Variants in DLC1 observed in about 807,000 individuals in gnomAD.
DLC1 encodes DLC1 Rho GTPase activating protein, also known as rho GTPase-activating protein 7.
DLC1 carries 54 observed loss-of-function variants against 140.3 expected under a neutral mutation model. The ratio of observed to expected loss-of-function variants is 0.38; its 90% CI spans 0.31 to 0.48. The LOEUF is 0.48. Ranked by LOEUF, DLC1 falls within the 20% of genes least tolerant of loss-of-function variation. The pLI, the probability that DLC1 is intolerant of heterozygous loss-of-function variation, is 0.96. For missense variants in DLC1, 2,536 were observed against 1,907.0 expected, an observed-to-expected ratio of 1.33 and a Z score of -6.14; for synonymous variants, 986 against 728.1, an observed-to-expected ratio of 1.35 and a Z score of -5.70.
chr8:13,403,405 A>G (rs150334883), intron 2 of DLC1, among the ~76,000 whole-genome samples: 3 of 152,294 alleles, frequency 2.0e-5, no homozygotes, highest in African/African-American at 7.2e-5. Flanking sequence ...AATATTCCAG[A>G]TAATGGAACA....
In DLC1 at chr8:13,264,626, G is replaced by T. The variant is rs78616966; in HGVS notation, c.1348+40643C>A. Among the ~76,000 whole-genome samples the T allele has an allele frequency of 3.8e-4, 58 of 152,194 alleles. 1 individual carries two copies. The East Asian group carries it at 0.01, about 27-fold the overall frequency. On this transcript the variant is annotated intron_variant, in intron 5 of 17. Coordinates refer to ENST00000276297, the MANE Select transcript of DLC1 (RefSeq NM_182643.3). ...AGGAGGGAAATATGACCCAGGAGGG[G>T]CACACACGGGGCTGTAACAGCAACT... is the stretch of plus-strand genomic sequence containing the variant.
intron 10 of DLC1, chr8:13,096,143 C>A (rs989142264): frequency 2.0e-5 from 3 of 152,186 alleles, no homozygotes; most frequent in Non-Finnish European, 4.4e-5. Context: ...GGAAAAGAAC[C>A]TTGTGTAGGA....
chr8:13,295,628 T>G (rs75140322), intron 5 of DLC1, among the ~76,000 whole-genome samples: 2,099 of 152,270 alleles, frequency 0.014, 56 homozygotes, highest in African/African-American at 0.048. Context: ...TGAAAGAGAT[T>G]TTGAACTTCC....
At chr8:13,135,989 ATCT>A (rs1287155226) in intron 5 of DLC1, among the ~76,000 whole-genome samples, 5 of 152,228 alleles carry the variant, frequency 3.3e-5, no homozygotes, top group East Asian at 3.9e-4. Flanking sequence ...CCTGAATCTC[ATCT>A]TCTTTCAGTC....
intron 1 of DLC1, among the ~76,000 whole-genome samples, chr8:13,585,088 T>A (rs1365763410): frequency 6.6e-6 from 1 of 152,254 alleles, no homozygotes; most frequent in African/African-American, 2.4e-5. Context: ...CTGCCTTCAA[T>A]GAACTTAGCA....
chr8:13,603,826 T>C (rs1805964321), intron 1 of DLC1, among the ~76,000 whole-genome samples: 1 of 152,112 alleles, frequency 6.6e-6, no homozygotes, highest in South Asian at 2.1e-4. Context: ...CAACCGATCA[T>C]TTCATTTGTA....
intron 5 of DLC1, among the ~76,000 whole-genome samples, chr8:13,162,615 T>A: frequency 6.6e-6 from 1 of 152,096 alleles, no homozygotes; most frequent in East Asian, 1.9e-4. Context: ...GAGCCACGGC[T>A]CCCAGCCAGT....
intron 5 of DLC1, among the ~76,000 whole-genome samples, chr8:13,241,318 C>T (rs1829535589): frequency 1.3e-5 from 2 of 152,300 alleles, no homozygotes; most frequent in South Asian, 4.1e-4. Context: ...TATGCAAATA[C>T]ATACTGTAAA....
chr8:13,274,189 G>C (rs1208173003), intron 5 of DLC1, among the ~76,000 whole-genome samples: 1 of 152,176 alleles, frequency 6.6e-6, no homozygotes, highest in Non-Finnish European at 1.5e-5. Flanking sequence ...GGAGAAGCTT[G>C]AGGGAAAGGG....
intron 14 of DLC1, 150 bp from the exon 15 acceptor site, chr8:13,090,620 G>T (rs1053579298): frequency 2.6e-6 from 2 of 774,782 alleles, no homozygotes; most frequent in Non-Finnish European, 4.1e-6. Flanking sequence ...CATGCTGACC[G>T]CACGTGTTAT....
intron 5 of DLC1, among the ~76,000 whole-genome samples, chr8:13,259,312 C>A (rs951379866): frequency 6.6e-6 from 1 of 152,066 alleles, no homozygotes; most frequent in South Asian, 2.1e-4. Context: ...ACAGACTATC[C>A]AGTGCTGTGA....
chr8:13,144,342 A>G (rs1481869382), intron 5 of DLC1, among the ~76,000 whole-genome samples: 12 of 152,206 alleles, frequency 7.9e-5, no homozygotes. Context: ...TACCACTGTC[A>G]GATTCCTTGG....
intron 1 of DLC1, chr8:13,568,092 A>G (rs2117402752): frequency 2.2e-6 from 2 of 921,384 alleles, no homozygotes; most frequent in East Asian, 2.7e-5. Flanking sequence ...CTATTATAGA[A>G]GGCACTGTTG....
intron 7 of DLC1, among the ~76,000 whole-genome samples, chr8:13,108,929 A>G (rs1230544663): frequency 6.6e-6 from 1 of 152,208 alleles, no homozygotes; most frequent in Non-Finnish European, 1.5e-5. Flanking sequence ...TACACTCCAC[A>G]GTGAAGTTCT....
At chr8:13,461,021 T>G (rs1386082619) in intron 2 of DLC1, among the ~76,000 whole-genome samples, 1 of 152,180 alleles carries the variant, frequency 6.6e-6, no homozygotes, top group African/African-American at 2.4e-5. Context: ...GAGATGAGCC[T>G]GGGCAACAGA....
chr8:13,324,334 C>T (rs1017396742), intron 4 of DLC1, among the ~76,000 whole-genome samples: 5 of 152,102 alleles, frequency 3.3e-5, no homozygotes, highest in Admixed American at 2.0e-4. Flanking sequence ...TTTGGGAGGC[C>T]GAGGCGGATG....
At chr8:13,275,223 T>A (rs984425939) in intron 5 of DLC1, among the ~76,000 whole-genome samples, 1 of 152,226 alleles carries the variant, frequency 6.6e-6, no homozygotes, top group Non-Finnish European at 1.5e-5. Flanking sequence ...CCATGTTATC[T>A]TCACAATCTG....
At chr8:13,118,306 G>A (rs1329941638) in intron 5 of DLC1, among the ~76,000 whole-genome samples, 1 of 152,084 alleles carries the variant, frequency 6.6e-6, no homozygotes, top group Admixed American at 6.5e-5. Flanking sequence ...ACAGGCAAAG[G>A]TTTGCTTCTT....
At chr8:13,506,168 C>A (rs967920816) in intron 1 of DLC1, among the ~76,000 whole-genome samples, 3 of 151,888 alleles carry the variant, frequency 2.0e-5, no homozygotes, top group Non-Finnish European at 2.9e-5. Flanking sequence ...TGTGTATACA[C>A]ACACATATAT....
Sources: gnomAD v4.1 joint callset for allele counts (sites outside exome capture counted in the v4.1 genomes callset) on GRCh38, gnomAD v4.1.1 for gene constraint, MANE v1.5 for transcripts, NCBI Gene and HGNC (gene_info 2026-07-23, HGNC 2026-07-21) for gene names.